The following ITFG1 variants were observed in gnomAD, a reference collection of about 807,000 sequenced individuals.
ITFG1 encodes the protein T-cell immunomodulatory protein.
In ITFG1, 34 loss-of-function variants were observed where a neutral mutation model predicts 81.8. That is an observed-to-expected ratio of 0.42 (90% CI 0.32 to 0.55). The LOEUF (loss-of-function observed/expected upper bound fraction) is 0.55, where lower values mean the gene tolerates loss of function less well. Ranked by LOEUF, ITFG1 falls within the 20% of genes least tolerant of loss-of-function variation. The pLI, the probability that ITFG1 is intolerant of heterozygous loss-of-function variation, is 0.17. For synonymous variants in ITFG1, 285 were observed against 270.6 expected, an observed-to-expected ratio of 1.05 and a Z score of -0.52; for missense variants, 672 against 755.4, an observed-to-expected ratio of 0.89 and a Z score of 1.29.
At chr16:47,274,320 A>G (rs1249543253) in intron 10 of ITFG1, among the ~76,000 whole-genome samples, 1 of 152,118 alleles carries the variant, frequency 6.6e-6, no homozygotes, top group Non-Finnish European at 1.5e-5. Flanking sequence ...GAAAAGTTTG[A>G]CCATGCTGAG....
intron 5 of ITFG1, among the ~76,000 whole-genome samples, chr16:47,440,854 G>A (rs13330699): frequency 0.12 from 17,499 of 152,076 alleles, 2,192 homozygotes; most frequent in African/African-American, 0.32. Context: ...AACTGAAGGA[G>A]ACAGAGACAC....
intron 8 of ITFG1, among the ~76,000 whole-genome samples, chr16:47,358,571 AT>A (rs1968070140): frequency 6.6e-6 from 1 of 152,212 alleles, no homozygotes; most frequent in Non-Finnish European, 1.5e-5. Context: ...CTTAACTTTA[AT>A]CAAAATAAGC....
intron 10 of ITFG1, among the ~76,000 whole-genome samples, chr16:47,282,566 T>C (rs1056579747): frequency 1.3e-5 from 2 of 152,176 alleles, no homozygotes; most frequent in Admixed American, 1.3e-4. Flanking sequence ...TGAGTACAGG[T>C]ATCCTTTTGG....
intron 14 of ITFG1, among the ~76,000 whole-genome samples, chr16:47,177,435 G>A (rs1965043965): frequency 6.6e-6 from 1 of 152,010 alleles, no homozygotes; most frequent in African/African-American, 2.4e-5. Context: ...CCAGAAAAAA[G>A]GCTAGCAATT....
chr16:47,444,440 A>G (rs989670375), intron 5 of ITFG1, among the ~76,000 whole-genome samples: 1 of 152,132 alleles, frequency 6.6e-6, no homozygotes, highest in African/African-American at 2.4e-5. Context: ...AAAGAATAAC[A>G]CTATGCCTTT....
intron 3 of ITFG1, among the ~76,000 whole-genome samples, 167 bp downstream of exon 3, chr16:47,453,846 C>A (rs1596994676): frequency 6.6e-6 from 1 of 152,112 alleles, no homozygotes; most frequent in Non-Finnish European, 1.5e-5. Flanking sequence ...GTGATCCCTG[C>A]CCAGTTCAGG....
intron 8 of ITFG1, among the ~76,000 whole-genome samples, chr16:47,347,707 A>G (rs1475023352): frequency 6.6e-6 from 1 of 152,226 alleles, no homozygotes; most frequent in African/African-American, 2.4e-5. Flanking sequence ...TGGTTCTCCC[A>G]GCACAGAGTC....
At chr16:47,173,419 T>C (rs1307161666) in intron 14 of ITFG1, among the ~76,000 whole-genome samples, 1 of 152,214 alleles carries the variant, frequency 6.6e-6, no homozygotes, top group Non-Finnish European at 1.5e-5. Flanking sequence ...TCAATATATT[T>C]TTGTTAAATT....
chr16:47,182,776 C>T (rs113254368), intron 14 of ITFG1, among the ~76,000 whole-genome samples: 14,837 of 152,170 alleles, frequency 0.098, 1,453 homozygotes, highest in African/African-American at 0.25. Context: ...CCAAGATGGC[C>T]GAATAGGAAA....
chr16:47,209,436 A>G (rs1965539470), intron 14 of ITFG1, among the ~76,000 whole-genome samples: 1 of 152,202 alleles, frequency 6.6e-6, no homozygotes, highest in Non-Finnish European at 1.5e-5. Flanking sequence ...AAATAGTTAC[A>G]GATACTATTT....
chr16:47,243,700 T>TA (rs1965964143), intron 12 of ITFG1, among the ~76,000 whole-genome samples: 1 of 152,006 alleles, frequency 6.6e-6, no homozygotes, highest in Non-Finnish European at 1.5e-5. Flanking sequence ...TTTGTTAAGG[T>TA]AAAAAAACCA....
At chr16:47,174,055 C>CA (rs1408702621) in intron 14 of ITFG1, among the ~76,000 whole-genome samples, 2 of 151,948 alleles carry the variant, frequency 1.3e-5, no homozygotes, top group Non-Finnish European at 2.9e-5. Flanking sequence ...CAAAACAAAA[C>CA]AAAAAACAAA....
intron 14 of ITFG1, among the ~76,000 whole-genome samples, chr16:47,186,964 G>A (rs528433130): frequency 0.014 from 2,134 of 151,824 alleles, 53 homozygotes; most frequent in African/African-American, 0.049. Flanking sequence ...TTATACACCA[G>A]TAACAGACAA....
chr16:47,343,830 G>A (rs560335042), intron 8 of ITFG1, among the ~76,000 whole-genome samples: 48 of 152,166 alleles, frequency 3.2e-4, no homozygotes, highest in Admixed American at 5.9e-4. Context: ...TTATATCCCA[G>A]CAATTTCCCT....
Position 47,379,766 on chromosome 16 carries a change from AAGGCAG to A in ITFG1, c.656-3832_656-3827del, listed in dbSNP as rs1338976944. 3.9e-5 allele frequency among the ~76,000 whole-genome samples: 6 copies of A among 152,038 alleles called. 1 individual carries two copies. The highest frequency in any genetic ancestry group is 1.2e-4 in the African/African-American group (5 of 41,470). ...CAATATGGGTTCCTTCACTGGGGAT[AAGGCAG>A]AGGCAGCCCCCAAATAAAACACCTT... is the stretch of plus-strand genomic sequence containing the variant. On this transcript the variant is annotated intron_variant, in intron 6 of 17. Coordinates refer to ENST00000320640, the MANE Select transcript of ITFG1 (RefSeq NM_030790.5).
At chr16:47,225,084 AGT>A (rs1196974197) in intron 13 of ITFG1, among the ~76,000 whole-genome samples, 1 of 152,230 alleles carries the variant, frequency 6.6e-6, no homozygotes, top group Non-Finnish European at 1.5e-5. Context: ...GTCTCACCAC[AGT>A]AACAATAAAG....
At chr16:47,403,701 G>GATATTTA in intron 6 of ITFG1, among the ~76,000 whole-genome samples, 1 of 149,614 alleles carries the variant, frequency 6.7e-6, no homozygotes, top group East Asian at 2.0e-4. Context: ...GAAGTGTTAA[G>GATATTTA]ATATTTAATA....
intron 13 of ITFG1, 29 bp downstream of exon 13, chr16:47,237,936 A>T: frequency 4.0e-6 from 4 of 994,098 alleles, no homozygotes; most frequent in Non-Finnish European, 6.1e-6. Context: ...TTTCATAGAC[A>T]TATTTATAAC....
chr16:47,203,594 C>T lies in ITFG1; in HGVS notation c.1453+15274G>A, dbSNP rs562222739. 5.3e-5 allele frequency among the ~76,000 whole-genome samples: 8 copies of T among 152,276 alleles called. No homozygotes were observed. The Middle Eastern group carries it at 0.01, about 194-fold the overall frequency. On this transcript the variant is annotated intron_variant, in intron 14 of 17. Coordinates refer to ENST00000320640, the MANE Select transcript of ITFG1 (RefSeq NM_030790.5). ...GAGCGTGCAGCCCAGATCCCTTACA[C>T]GAACAGTTCACAATAGGGTTCATGG...
Sources: allele counts gnomAD v4.1 joint callset (sites outside exome capture counted in the v4.1 genomes callset), GRCh38; gene constraint gnomAD v4.1.1; transcripts MANE v1.5; gene names NCBI Gene and HGNC (gene_info 2026-07-23, HGNC 2026-07-21).